Variants in NFIB observed in about 807,000 individuals in gnomAD.
NFIB encodes the protein nuclear factor I B.
Under a neutral mutation model 61.5 loss-of-function variants are expected in NFIB, and 11 were observed. The observed-to-expected ratio is 0.18, with a 90% CI of 0.11 to 0.30. The LOEUF (loss-of-function observed/expected upper bound fraction) is 0.30. Among genes scored for constraint, NFIB ranks in the 10% least tolerant of loss-of-function variants. NFIB has a pLI of 1.00. For synonymous variants in NFIB, 260 were observed against 216.5 expected (o/e 1.20, Z -1.76); for missense variants, 471 against 608.9 (o/e 0.77, Z 2.38).
At chr9:14,145,722 C>T (rs974305628) in intron 6 of NFIB, among the ~76,000 whole-genome samples, 1 of 149,438 alleles carries the variant, frequency 6.7e-6, no homozygotes, top group Admixed American at 6.7e-5. Flanking sequence ...GTGATCACAG[C>T]TTACTCCATC....
At chr9:14,438,164 A>G in the NFIB span, among the ~76,000 whole-genome samples, 3 of 152,162 alleles carry the variant, frequency 2.0e-5, no homozygotes, top group African/African-American at 7.2e-5. Context: ...TCGTGCTTGT[A>G]AGGGTACCAA....
chr9:14,219,381 T>TTAAAAAA (rs1554677158), intron 2 of NFIB, among the ~76,000 whole-genome samples: 1 of 73,504 alleles, frequency 1.4e-5, no homozygotes, highest in African/African-American at 5.6e-5. Flanking sequence ...AGCACTAGGG[T>TTAAAAAA]AAAAAAAAAA....
chr9:14,132,385 A>T (rs1199979812), intron 6 of NFIB, among the ~76,000 whole-genome samples: 2 of 152,274 alleles, frequency 1.3e-5, no homozygotes, highest in East Asian at 3.9e-4. Flanking sequence ...TTTGCTGGCT[A>T]CTTTTATTCT....
intron 2 of NFIB, among the ~76,000 whole-genome samples, chr9:14,210,001 A>T (rs899200204): frequency 4.6e-5 from 7 of 152,128 alleles, no homozygotes; most frequent in African/African-American, 1.7e-4. Context: ...TATCCTTTCT[A>T]CGTTTTTGTT....
chr9:14,201,410 T>C (rs1278159081), intron 2 of NFIB, among the ~76,000 whole-genome samples: 3 of 152,204 alleles, frequency 2.0e-5, no homozygotes, highest in East Asian at 1.9e-4. Context: ...TCCTAGAATA[T>C]GCCGTGCAAC....
the NFIB span, among the ~76,000 whole-genome samples, chr9:14,469,269 T>C: frequency 2.6e-5 from 4 of 152,226 alleles, no homozygotes; most frequent in African/African-American, 9.7e-5. Flanking sequence ...AAGCCTGTTA[T>C]CAACTTGAAA....
chr9:14,515,254 T>C, the NFIB span, among the ~76,000 whole-genome samples: 4 of 151,994 alleles, frequency 2.6e-5, no homozygotes, highest in Non-Finnish European at 5.9e-5. Context: ...GGGAATCAGA[T>C]GGAGGAAGTG....
intron 1 of NFIB, among the ~76,000 whole-genome samples, chr9:14,353,729 G>C (rs1380726699): frequency 6.6e-6 from 1 of 152,196 alleles, no homozygotes; most frequent in Non-Finnish European, 1.5e-5. Context: ...GGACCAGCTG[G>C]AGGAGTCCAC....
intron 6 of NFIB, among the ~76,000 whole-genome samples, chr9:14,127,575 G>GA (rs2039837394): frequency 6.6e-6 from 1 of 151,768 alleles, no homozygotes; most frequent in African/African-American, 2.4e-5. Flanking sequence ...TTTATTAAAA[G>GA]AAAAAAACAC....
chr9:14,103,508 A>G (rs2036079526), intron 10 of NFIB, among the ~76,000 whole-genome samples: 1 of 152,130 alleles, frequency 6.6e-6, no homozygotes, highest in Non-Finnish European at 1.5e-5. Flanking sequence ...GAACCAAAGT[A>G]CCATAAATTA....
At chr9:14,099,520 G>C (rs2035397103) in intron 10 of NFIB, among the ~76,000 whole-genome samples, 1 of 151,670 alleles carries the variant, frequency 6.6e-6, no homozygotes. Flanking sequence ...CACCGACAAG[G>C]GCTATTTGTA....
chr9:14,233,729 C>G (rs2053451530), intron 2 of NFIB, among the ~76,000 whole-genome samples: 1 of 152,190 alleles, frequency 6.6e-6, no homozygotes, highest in African/African-American at 2.4e-5. Flanking sequence ...TGGGCCCAGA[C>G]TTGTTTTGCT....
intron 2 of NFIB, among the ~76,000 whole-genome samples, chr9:14,280,350 C>T (rs537305434): frequency 1.6e-4 from 25 of 152,164 alleles, no homozygotes; most frequent in South Asian, 8.3e-4. Flanking sequence ...GATGAAAATA[C>T]GCACACACAC....
chr9:14,158,263 TC>T (rs2043699706), intron 3 of NFIB, among the ~76,000 whole-genome samples: 1 of 152,168 alleles, frequency 6.6e-6, no homozygotes, highest in Admixed American at 6.5e-5. Context: ...CTCCTGCAGC[TC>T]CCTGAGATGA....
chr9:14,083,388 A>T lies in NFIB; in HGVS notation c.*4921T>A, dbSNP rs2032331420. On this transcript the variant is annotated 3_prime_UTR_variant, in exon 11 of 11. Coordinates refer to ENST00000380953, the MANE Select transcript of NFIB (RefSeq NM_001190737.2). ...AACAGGGGAACTACCAGAAAGTGCA[A>T]AATATGAAGAAGGCAGCTTTCAGCT... 8.9e-6 allele frequency: 2 copies of T among 225,746 alleles called. No homozygotes were observed. The highest frequency in any genetic ancestry group is 2.2e-5 in the African/African-American group (1 of 44,752). The allele number at this position is 225,746 out of a possible 1,614,324, so 14.0% of individuals were successfully genotyped here.
In NFIB at chr9:14,171,037, A is replaced by G. The variant is rs560414061; in HGVS notation, c.616+8690T>C. Reference sequence around the variant, plus strand: ...GGAAAGTTTGAACTAACTGTAGCCCATGAACGAGTCCTTTCTCTGACAGCA... The same window carrying G: ...GGAAAGTTTGAACTAACTGTAGCCCGTGAACGAGTCCTTTCTCTGACAGCA... On this transcript the variant is annotated intron_variant, in intron 3 of 10. Transcript: ENST00000380953. Among the ~76,000 whole-genome samples the G allele has an allele frequency of 1.7e-4, 26 of 152,338 alleles. 1 individual carries two copies. Among genetic ancestry groups the G allele is most frequent in the African/African-American group, 6.3e-4 (26 of 41,578 alleles).
intron 6 of NFIB, among the ~76,000 whole-genome samples, chr9:14,139,250 G>A (rs2041421624): frequency 6.6e-6 from 1 of 152,154 alleles, no homozygotes; most frequent in African/African-American, 2.4e-5. Flanking sequence ...TGAAACAGGA[G>A]CTTGAATTAT....
At chr9:14,438,019 T>TGTGTGTGTGTGCGC in the NFIB span, among the ~76,000 whole-genome samples, 3 of 151,386 alleles carry the variant, frequency 2.0e-5, no homozygotes, top group Non-Finnish European at 4.4e-5. Flanking sequence ...CTAGTGTGTG[T>TGTGTGTGTGTGCGC]GTGTGTGTGT....
chr9:14,498,788 TCCC>T, the NFIB span, among the ~76,000 whole-genome samples: 2 of 22,986 alleles, frequency 8.7e-5, no homozygotes, highest in South Asian at 1.7e-3. Context: ...CCTCCCTCCC[TCCC>T]TCCCTCCCTT....
Sources: allele counts gnomAD v4.1 joint callset (sites outside exome capture counted in the v4.1 genomes callset), GRCh38; gene constraint gnomAD v4.1.1; transcripts MANE v1.5; gene names NCBI Gene and HGNC (gene_info 2026-07-23, HGNC 2026-07-21).